The following WSCD2 variants were observed in gnomAD, a reference collection of about 807,000 sequenced individuals.
WSCD2 encodes the protein sialate:O-sulfotransferase 2.
A neutral mutation model predicts 55.7 loss-of-function variants in WSCD2; 28 were observed. The ratio of observed to expected loss-of-function variants is 0.50; its 90% confidence interval spans 0.37 to 0.69. The LOEUF is 0.69. Among genes scored for constraint, WSCD2 ranks in the 30% least tolerant of loss-of-function variants. The probability of loss-of-function intolerance (pLI) is 0.00; values close to 1 mark genes in which losing one functional copy is unlikely to be tolerated. For missense variants in WSCD2, 616 were observed against 762.1 expected (o/e 0.81, Z 2.26); for synonymous variants, 301 against 301.9 (o/e 1.00, Z 0.03).
At chr12:108,147,089 G>A (rs1206544125) in intron 1 of WSCD2, among the ~76,000 whole-genome samples, 2 of 152,196 alleles carry the variant, frequency 1.3e-5, no homozygotes, top group Non-Finnish European at 2.9e-5. Context: ...CACCGAATGT[G>A]TAACCGGCCT....
In WSCD2 at chr12:108,248,919, G is replaced by A. The variant is rs1890273811; in HGVS notation, c.*576G>A. 1.0e-6 allele frequency: 1 copy of A among 987,458 alleles called. No individual in the cohort carries two copies. The highest frequency in any genetic ancestry group is 6.0e-5 in the Admixed American group (1 of 16,680). The allele number at this position is 987,458 out of a possible 1,614,324, so 61.2% of individuals were successfully genotyped here. A position where few individuals can be genotyped will look rare whatever the true frequency, so the allele number is the denominator to read the frequency against. On this transcript the variant is annotated 3_prime_UTR_variant, in exon 9 of 9. Coordinates refer to ENST00000547525, the MANE Select transcript of WSCD2 (RefSeq NM_014653.4). The surrounding 1 kb of genome is among the most constrained non-coding windows in gnomAD (Gnocchi z 4.3). ...GGTTTCTGACATCCTGGATAGTGTG[G>A]GGAGGTAATGGTGCTCACAGTAGGT... is the stretch of plus-strand genomic sequence containing the variant.
intron 2 of WSCD2, among the ~76,000 whole-genome samples, chr12:108,203,397 A>G (rs1281760703): frequency 6.6e-6 from 1 of 152,158 alleles, no homozygotes; most frequent in Non-Finnish European, 1.5e-5. Flanking sequence ...CTCTGGGGTT[A>G]TAGCACCTGG....
chr12:108,218,711 G>T (rs1887128330), intron 4 of WSCD2, among the ~76,000 whole-genome samples: 1 of 152,200 alleles, frequency 6.6e-6, no homozygotes. Flanking sequence ...ACCACCCTGG[G>T]CTTGCTTCAG....
Position 108,213,841 on chromosome 12 carries a change from C to T in WSCD2, c.682+3536C>T, listed in dbSNP as rs578148737. Among the ~76,000 whole-genome samples, 3 of 152,316 alleles carry T rather than the reference C, an allele frequency of 2.0e-5. No homozygotes were observed. The East Asian group carries it at 5.8e-4, about 29-fold the overall frequency. ...CTACAGTGTTGTAGACACCCTGACCCTGGAATTTGGTTCAGAACACCATCT... is the reference window on the plus strand; with the variant it reads ...CTACAGTGTTGTAGACACCCTGACCTTGGAATTTGGTTCAGAACACCATCT... On this transcript the variant is annotated intron_variant, in intron 4 of 8. Transcript: ENST00000547525.
intron 2 of WSCD2, among the ~76,000 whole-genome samples, chr12:108,199,307 G>A (rs1380086130): frequency 6.6e-6 from 1 of 152,232 alleles, no homozygotes; most frequent in Non-Finnish European, 1.5e-5. Context: ...TCAGGCTGTA[G>A]AGGATTCAGA....
chr12:108,133,066 T>A (rs1320436654), intron 1 of WSCD2, among the ~76,000 whole-genome samples: 1 of 152,216 alleles, frequency 6.6e-6, no homozygotes, highest in Non-Finnish European at 1.5e-5. Context: ...TACATGTGTG[T>A]TTCTGTGGGT....
intron 4 of WSCD2, among the ~76,000 whole-genome samples, chr12:108,222,180 G>A (rs373071711): frequency 6.6e-6 from 1 of 152,220 alleles, no homozygotes; most frequent in East Asian, 1.9e-4. Flanking sequence ...AAATATATAT[G>A]TGTATGCTAA....
At chr12:108,155,886 G>C (rs930572651) in intron 1 of WSCD2, among the ~76,000 whole-genome samples, 1 of 152,132 alleles carries the variant, frequency 6.6e-6, no homozygotes, top group Non-Finnish European at 1.5e-5. Flanking sequence ...CCTCTCCCAG[G>C]CTATTCAAAA....
intron 2 of WSCD2, among the ~76,000 whole-genome samples, chr12:108,203,264 G>T (rs990400152): frequency 6.6e-6 from 1 of 152,210 alleles, no homozygotes; most frequent in Non-Finnish European, 1.5e-5. Flanking sequence ...TGCTGGACTG[G>T]ATTTTTTAAA....
At chr12:108,202,709 C>T (rs1046439015) in intron 2 of WSCD2, among the ~76,000 whole-genome samples, 7 of 152,112 alleles carry the variant, frequency 4.6e-5, no homozygotes, top group Non-Finnish European at 1.0e-4. Flanking sequence ...TTTGAAGGTG[C>T]AGGGTGGTAG....
At chr12:108,175,966 A>G (rs1393472214) in intron 1 of WSCD2, among the ~76,000 whole-genome samples, 1 of 151,964 alleles carries the variant, frequency 6.6e-6, no homozygotes. Flanking sequence ...CAGCCTCCCA[A>G]GTAGCTGGGA....
intron 4 of WSCD2, among the ~76,000 whole-genome samples, chr12:108,212,551 C>A (rs1454050284): frequency 6.6e-6 from 1 of 151,700 alleles, no homozygotes; most frequent in Non-Finnish European, 1.5e-5. Context: ...CTCTCCCCCA[C>A]CTTCCTCCCT....
chr12:108,201,181 T>G (rs1223445899), intron 2 of WSCD2, among the ~76,000 whole-genome samples: 2 of 152,160 alleles, frequency 1.3e-5, no homozygotes, highest in South Asian at 4.1e-4. Flanking sequence ...GAAGTCAGGG[T>G]GTTGGCAGGG....
intron 2 of WSCD2, among the ~76,000 whole-genome samples, chr12:108,201,943 C>A (rs1392605031): frequency 6.6e-6 from 1 of 152,282 alleles, no homozygotes; most frequent in Admixed American, 6.5e-5. Context: ...TTTCAGCAGT[C>A]TTCAGACCGC....
intron 1 of WSCD2, among the ~76,000 whole-genome samples, chr12:108,151,843 G>A (rs889278126): frequency 6.6e-6 from 1 of 152,212 alleles, no homozygotes; most frequent in Non-Finnish European, 1.5e-5. Context: ...TCTTTGGACA[G>A]ATAACACTTC....
At chr12:108,232,630 C>G in intron 6 of WSCD2, 101 bp from the exon 7 acceptor site, 1 of 1,215,784 alleles carries the variant, frequency 8.2e-7, no homozygotes, top group Non-Finnish European at 1.1e-6. Flanking sequence ...CCTTGATCAC[C>G]TGGCTGAGAA....
At chr12:108,159,183 A>G (rs1193569781) in intron 1 of WSCD2, among the ~76,000 whole-genome samples, 1 of 152,162 alleles carries the variant, frequency 6.6e-6, no homozygotes, top group Non-Finnish European at 1.5e-5. Flanking sequence ...TTAATAGGAC[A>G]TCATCTTCTC....
intron 4 of WSCD2, 48 bp from the exon 5 acceptor site, chr12:108,224,691 T>A (rs1365483511): frequency 3.2e-6 from 5 of 1,586,814 alleles, no homozygotes; most frequent in Non-Finnish European, 4.3e-6. Flanking sequence ...CCCAACCAGA[T>A]CTGACTCCTT....
rs1262979686 is a variant in WSCD2 at position 108,249,377 on chromosome 12, T to A, written c.*1034T>A. The A allele has an allele frequency of 6.6e-6, 1 of 152,516 alleles. No homozygotes were observed. The highest frequency in any genetic ancestry group is 1.5e-5 in the Non-Finnish European group (1 of 68,056). The allele number at this position is 152,516 out of a possible 1,614,324, so 9.4% of individuals were successfully genotyped here. On this transcript the variant is annotated 3_prime_UTR_variant, in exon 9 of 9. Transcript: ENST00000547525. ...TGATCATAGTCCAACAGGGCCAGCT[T>A]CCCTTGGGGGCCCTTTAAGGAATGG... is the stretch of plus-strand genomic sequence containing the variant.
Sources: gnomAD v4.1 joint callset for allele counts (sites outside exome capture counted in the v4.1 genomes callset) on GRCh38, gnomAD v4.1.1 for gene constraint, Gnocchi (gnomAD v3.1) non-coding constraint, MANE v1.5 for transcripts, NCBI Gene and HGNC (gene_info 2026-07-23, HGNC 2026-07-21) for gene names.